PAX5: variants seen among roughly 807,000 people sequenced by gnomAD.
PAX5 encodes the protein paired box protein Pax-5.
In PAX5, 9 loss-of-function variants were observed where a neutral mutation model predicts 43.7. That is an observed-to-expected ratio of 0.21 (90% CI 0.12 to 0.36). The LOEUF (loss-of-function observed/expected upper bound fraction) is 0.36, where lower values mean the gene tolerates loss of function less well. Ranked by LOEUF, PAX5 falls within the 10% of genes least tolerant of loss-of-function variation. The probability of loss-of-function intolerance (pLI) is 1.00; values close to 1 mark genes in which losing one functional copy is unlikely to be tolerated. For synonymous variants in PAX5, 228 were observed against 214.3 expected (o/e 1.06, Z -0.56); for missense variants, 383 against 532.7 (o/e 0.72, Z 2.77).
intron 8 of PAX5, among the ~76,000 whole-genome samples, chr9:36,855,365 C>T (rs1031051857): frequency 2.0e-5 from 3 of 152,236 alleles, no homozygotes; most frequent in African/African-American, 7.2e-5. Flanking sequence ...GCAGGCATTT[C>T]CATTTGAGAT....
chr9:36,945,568 A>G (rs1223121746), intron 6 of PAX5, among the ~76,000 whole-genome samples: 1 of 152,246 alleles, frequency 6.6e-6, no homozygotes, highest in Non-Finnish European at 1.5e-5. Context: ...ATGCCAAGAT[A>G]ACCAAATCAA....
At chr9:36,917,107 AT>A (rs905515671) in intron 7 of PAX5, among the ~76,000 whole-genome samples, 4 of 152,118 alleles carry the variant, frequency 2.6e-5, no homozygotes, top group African/African-American at 7.2e-5. Flanking sequence ...GGATGTTTAT[AT>A]TTTTTTCTGC....
At chr9:36,983,424 T>C (rs543107410) in intron 5 of PAX5, among the ~76,000 whole-genome samples, 2 of 152,348 alleles carry the variant, frequency 1.3e-5, no homozygotes, top group East Asian at 3.9e-4. Context: ...TGTCTGAGCA[T>C]TTACATAATG....
At chr9:36,876,940 C>T (rs1455029802) in intron 8 of PAX5, among the ~76,000 whole-genome samples, 1 of 152,196 alleles carries the variant, frequency 6.6e-6, no homozygotes, top group African/African-American at 2.4e-5. Context: ...ATGACATCCA[C>T]TTTTTCAGGC....
At position 36,882,222 on chromosome 9, in the gene PAX5, G is replaced by GC; in HGVS notation, c.911-118dup. 1 of 722,950 alleles carries GC rather than the reference G, an allele frequency of 1.4e-6. No individual in the cohort carries two copies. Among genetic ancestry groups the GC allele is most frequent in the Non-Finnish European group, 2.2e-6 (1 of 445,000 alleles). 44.8% of individuals were successfully genotyped at this position (722,950 alleles called of 1,614,324 possible). A position where few individuals can be genotyped will look rare whatever the true frequency, so the allele number is the denominator to read the frequency against. ...ACGTTTGGACGCTGAACGGCAATGT[G>GC]CCCCCAGCTCCCCCCTGTCGCTCAC... On this transcript the variant is annotated intron_variant, in intron 7 of 9. Transcript: ENST00000358127. This position sits in a 1 kb window ranked among gnomAD's most constrained non-coding sequence, Gnocchi z 4.4.
chr9:36,911,715 G>A (rs1829306125), intron 7 of PAX5, among the ~76,000 whole-genome samples: 1 of 152,250 alleles, frequency 6.6e-6, no homozygotes, highest in Non-Finnish European at 1.5e-5. Flanking sequence ...ATGGGTCAAA[G>A]GAGGCATGCC....
At chr9:36,996,650 G>C (rs917027334) in intron 5 of PAX5, among the ~76,000 whole-genome samples, 1 of 152,194 alleles carries the variant, frequency 6.6e-6, no homozygotes, top group African/African-American at 2.4e-5. Context: ...GAAGGAAAAG[G>C]GTCCTAGGAG....
chr9:36,932,718 A>G (rs145381790), intron 6 of PAX5, among the ~76,000 whole-genome samples: 74 of 152,350 alleles, frequency 4.9e-4, no homozygotes, highest in Non-Finnish European at 1.0e-3. Context: ...ATTTTATGAT[A>G]TAAAAATTAT....
At chr9:37,017,716 C>T (rs538297902) in intron 2 of PAX5, among the ~76,000 whole-genome samples, 7 of 152,330 alleles carry the variant, frequency 4.6e-5, no homozygotes, top group South Asian at 2.1e-4. Flanking sequence ...AGCTGGCGGG[C>T]GGCAGCACGC....
intron 7 of PAX5, among the ~76,000 whole-genome samples, chr9:36,909,801 G>A (rs1171857354): frequency 6.9e-6 from 1 of 145,800 alleles, no homozygotes; most frequent in African/African-American, 2.6e-5. Flanking sequence ...TCCAAGAGAA[G>A]CTAGACATTT....
intron 8 of PAX5, among the ~76,000 whole-genome samples, chr9:36,865,114 T>A (rs1175549931): frequency 1.3e-5 from 2 of 152,164 alleles, no homozygotes; most frequent in Non-Finnish European, 2.9e-5. Flanking sequence ...TCAGGGCAGC[T>A]CCCTGCTCCT....
chr9:37,018,994 C>G (rs1198280344), intron 2 of PAX5, among the ~76,000 whole-genome samples: 2 of 152,076 alleles, frequency 1.3e-5, no homozygotes, highest in African/African-American at 4.8e-5. Context: ...GCAAAGATGT[C>G]TCAGCAAAAA....
intron 5 of PAX5, among the ~76,000 whole-genome samples, chr9:36,966,995 T>G (rs1834502048): frequency 6.6e-6 from 1 of 152,144 alleles, no homozygotes; most frequent in Non-Finnish European, 1.5e-5. Context: ...ACCCTCAAGG[T>G]AGGTTATTTT....
At chr9:37,021,875 G>A (rs897516932) in intron 1 of PAX5, among the ~76,000 whole-genome samples, 16 of 152,190 alleles carry the variant, frequency 1.1e-4, no homozygotes, top group African/African-American at 3.6e-4. Context: ...GCAGCTCAGA[G>A]GCAAAGGAAG....
At chr9:36,974,929 C>T (rs989687328) in intron 5 of PAX5, among the ~76,000 whole-genome samples, 6 of 152,140 alleles carry the variant, frequency 3.9e-5, no homozygotes, top group African/African-American at 1.4e-4. Context: ...GTGTCTCTTC[C>T]CCACTGCTCC....
chr9:36,926,027 C>G (rs770517788), intron 6 of PAX5, among the ~76,000 whole-genome samples: 1 of 152,212 alleles, frequency 6.6e-6, no homozygotes, highest in Admixed American at 6.5e-5. Flanking sequence ...TTTAGCTGTA[C>G]TATCCCATTT....
chr9:36,939,606 A>G (rs1353935953), intron 6 of PAX5, among the ~76,000 whole-genome samples: 1 of 152,170 alleles, frequency 6.6e-6, no homozygotes, highest in Admixed American at 6.5e-5. Flanking sequence ...CTGCATGTAA[A>G]TGTCGGAAAA....
At chr9:36,944,103 G>A (rs754225624) in intron 6 of PAX5, among the ~76,000 whole-genome samples, 105 of 152,188 alleles carry the variant, frequency 6.9e-4, no homozygotes, top group Non-Finnish European at 1.3e-4. Context: ...AAGATTGCTT[G>A]TGCCCCGGAG....
At chr9:36,913,934 A>G (rs1328150968) in intron 7 of PAX5, among the ~76,000 whole-genome samples, 2 of 152,168 alleles carry the variant, frequency 1.3e-5, no homozygotes, top group Non-Finnish European at 2.9e-5. Flanking sequence ...CCGCTAACAC[A>G]GGTGGAGTTA....
Sources: gnomAD v4.1 joint callset for allele counts (sites outside exome capture counted in the v4.1 genomes callset) on GRCh38, gnomAD v4.1.1 for gene constraint, Gnocchi (gnomAD v3.1) non-coding constraint, MANE v1.5 for transcripts, NCBI Gene and HGNC (gene_info 2026-07-23, HGNC 2026-07-21) for gene names.